The following MILR1 variants were observed in gnomAD, a reference collection of about 807,000 sequenced individuals.
The protein encoded by MILR1 is mast cell immunoglobulin like receptor 1, also known as allergin-1.
In MILR1, 31 loss-of-function variants were observed where a neutral mutation model predicts 18.5. That is an observed-to-expected ratio of 1.68 (90% CI 1.26 to 2.26). The LOEUF is 2.26. MILR1 is among the 30% of genes most tolerant of loss of function. The pLI is 0.00. For synonymous variants in MILR1, 85 were observed against 56.2 expected (o/e 1.51, Z -2.30); for missense variants, 257 against 157.4 (o/e 1.63, Z -3.38).
chr17:64,452,808 C>T lies in MILR1; in HGVS notation c.309C>T (p.Cys103=), dbSNP rs1421169774. The change falls in exon 3 of 10, where the codon TGC becomes TGT. Residue 103 remains cysteine, a synonymous_variant. Transcript: ENST00000619286. The part of the protein sequence containing the change: ...TEAHESGPYK[C]KAQVTSCSKY... ...CCCATGAATCAGGCCCCTACAAATG[C>T]AAAGCCCAAGTTACCAGCTGTTCAA... 2.0e-4 allele frequency: 95 copies of T among 475,250 alleles called. 2 individuals are homozygous for T. In the South Asian group the frequency reaches 6.1e-3, roughly 31 times the overall value. 29.4% of individuals were successfully genotyped at this position (475,250 alleles called of 1,614,324 possible).
chr17:64,478,121 A>G, the MILR1 span: 4 of 824,508 alleles, frequency 4.9e-6, no homozygotes, highest in Admixed American at 2.7e-5. Flanking sequence ...GGACCAAAAA[A>G]ACCCAACATT....
the MILR1 span, chr17:64,483,853 G>A: frequency 6.6e-6 from 1 of 152,286 alleles, no homozygotes; most frequent in Non-Finnish European, 1.5e-5. Flanking sequence ...AGGGACTACA[G>A]GTGCACGCCA....
At chr17:64,495,836 G>A in the MILR1 span, among the ~76,000 whole-genome samples, 1 of 151,840 alleles carries the variant, frequency 6.6e-6, no homozygotes, top group African/African-American at 2.4e-5. Flanking sequence ...AGCCTCCCAA[G>A]TAGCTGGGAT....
At chr17:64,485,696 T>C in the MILR1 span, 37 of 1,576,160 alleles carry the variant, frequency 2.3e-5, 2 homozygotes, top group South Asian at 4.0e-4. Flanking sequence ...ATTTTTAGTT[T>C]CCCAAGTCTA....
chr17:64,494,590 G>A, the MILR1 span, among the ~76,000 whole-genome samples: 1 of 151,242 alleles, frequency 6.6e-6, no homozygotes, highest in Non-Finnish European at 1.5e-5. Context: ...CCCCGCCCCC[G>A]ACCTCTAGGG....
At chr17:64,492,416 G>A in the MILR1 span, among the ~76,000 whole-genome samples, 1 of 152,204 alleles carries the variant, frequency 6.6e-6, no homozygotes, top group Admixed American at 6.5e-5. Context: ...GGAATGCTAG[G>A]TGAGGGCTTT....
At chr17:64,489,922 A>G in the MILR1 span, among the ~76,000 whole-genome samples, 1 of 151,936 alleles carries the variant, frequency 6.6e-6, no homozygotes, top group Non-Finnish European at 1.5e-5. Flanking sequence ...ATTACTAGTT[A>G]ATTTTTTTGT....
intron 3 of MILR1, among the ~76,000 whole-genome samples, chr17:64,456,314 T>TTA (rs149164161): frequency 6.8e-4 from 103 of 151,282 alleles, no homozygotes; most frequent in Middle Eastern, 3.4e-3. Flanking sequence ...TATTAATGCA[T>TTA]TATATATATA....
At position 64,462,117 on chromosome 17, in the gene MILR1, A is replaced by G. The variant is rs950457889; in HGVS notation, c.763+1185A>G. Among the ~76,000 whole-genome samples, 334 of 152,264 alleles carry G rather than the reference A, an allele frequency of 2.2e-3. 1 individual carries two copies. The highest frequency in any genetic ancestry group is 3.4e-3 in the Non-Finnish European group (233 of 68,028). ...TTAAACAAGAGGCCCTTTTCCTCGT[A>G]TGACTGCTTGTGAAAGATGTACTCG... On this transcript the variant is annotated intron_variant, in intron 5 of 9. Coordinates refer to ENST00000619286, the MANE Select transcript of MILR1 (RefSeq NM_001085423.2).
At chr17:64,456,793 C>T (rs1248089754) in intron 3 of MILR1, among the ~76,000 whole-genome samples, 2 of 151,974 alleles carry the variant, frequency 1.3e-5, no homozygotes, top group East Asian at 1.9e-4. Context: ...AAGAGCAAAA[C>T]CCTGTCTCTG....
In MILR1 at chr17:64,453,066, T is replaced by G. The variant is rs8075083; in HGVS notation, c.367+200T>G. On this transcript the variant is annotated intron_variant, in intron 3 of 9. Transcript: ENST00000619286. ...TTTTAATTTTTTAATTTTTGAGATC[T>G]CTATTCTTTTTTTTTTTTTTGAAAC... is the stretch of plus-strand genomic sequence containing the variant. Among the ~76,000 whole-genome samples, 919 of 151,266 alleles carry G rather than the reference T, an allele frequency of 6.1e-3. 8 individuals carry two copies. The highest frequency in any genetic ancestry group is 0.022 in the African/African-American group (882 of 40,790).
At chr17:64,485,847 C>T in the MILR1 span, 6 of 1,614,108 alleles carry the variant, frequency 3.7e-6, no homozygotes, top group African/African-American at 1.3e-5. Flanking sequence ...CAAGGAACCA[C>T]ATTTTTTCGT....
At chr17:64,495,883 C>G in the MILR1 span, among the ~76,000 whole-genome samples, 1 of 151,934 alleles carries the variant, frequency 6.6e-6, no homozygotes, top group Non-Finnish European at 1.5e-5. Flanking sequence ...TAATTTTTGT[C>G]TTTTTAGTAG....
the MILR1 span, chr17:64,485,660 CTAACAT>C: frequency 4.8e-6 from 6 of 1,238,954 alleles, no homozygotes; most frequent in Admixed American, 5.0e-5. Flanking sequence ...ACCGAGCACA[CTAACAT>C]TAAGAACAAA....
At chr17:64,496,560 G>A in the MILR1 span, 1 of 1,613,608 alleles carries the variant, frequency 6.2e-7, no homozygotes, top group Non-Finnish European at 8.5e-7. Context: ...GGTAGCAAAG[G>A]GCCTGGTTTG....
chr17:64,481,067 T>TC, the MILR1 span, among the ~76,000 whole-genome samples: 1 of 152,240 alleles, frequency 6.6e-6, no homozygotes, highest in African/African-American at 2.4e-5. Flanking sequence ...GCAGGGTTCC[T>TC]CACCCTTGCA....
chr17:64,468,585 G>C lies in MILR1; in HGVS notation c.*304G>C. On this transcript the variant is annotated 3_prime_UTR_variant, in exon 10 of 10. Coordinates refer to ENST00000619286, the MANE Select transcript of MILR1 (RefSeq NM_001085423.2). ...ACTACAAGCCTGAGCCACCGTGCCC[G>C]GCCCTGAATCGCTTTAGTAAATAAA... 4 of 1,147,356 alleles carry C rather than the reference G, an allele frequency of 3.5e-6. No homozygotes were observed. Among genetic ancestry groups the C allele is most frequent in the Non-Finnish European group, 4.3e-6 (4 of 923,108 alleles). The allele number at this position is 1,147,356 out of a possible 1,614,324, so 71.1% of individuals were successfully genotyped here.
chr17:64,480,841 G>C, the MILR1 span, among the ~76,000 whole-genome samples: 1 of 152,156 alleles, frequency 6.6e-6, no homozygotes, highest in Non-Finnish European at 1.5e-5. Context: ...AGAAAAAGGA[G>C]AGTGGTATTC....
chr17:64,497,076 G>A, the MILR1 span: 3 of 1,182,422 alleles, frequency 2.5e-6, no homozygotes, highest in East Asian at 2.5e-5. Context: ...CGCAACGGAG[G>A]TGAGCGTGCT....
Sources: gnomAD v4.1 joint callset for allele counts (sites outside exome capture counted in the v4.1 genomes callset) on GRCh38, gnomAD v4.1.1 for gene constraint, MANE v1.5 for transcripts, NCBI Gene and HGNC (gene_info 2026-07-23, HGNC 2026-07-21) for gene names.